ACOXL: variants seen among roughly 807,000 people sequenced by gnomAD.
ACOXL encodes the protein acyl-CoA oxidase like, also known as acyl-coenzyme A oxidase-like protein.
In ACOXL, 70 loss-of-function variants were observed where a neutral mutation model predicts 71.9. The ratio of observed to expected loss-of-function variants is 0.97; its 90% CI spans 0.80 to 1.19. The LOEUF (loss-of-function observed/expected upper bound fraction) is 1.19. ACOXL is among the 50% of genes most tolerant of loss of function. The pLI is 0.00. For synonymous variants in ACOXL, 253 were observed against 281.6 expected (o/e 0.90, Z 1.02); for missense variants, 703 against 736.3 (o/e 0.95, Z 0.52).
intron 14 of ACOXL, among the ~76,000 whole-genome samples, chr2:111,018,709 G>C (rs894863095): frequency 2.5e-5 from 2 of 78,692 alleles, no homozygotes; most frequent in South Asian, 3.5e-4. Flanking sequence ...CAGAGAGGCT[G>C]GAGGGGGTGT....
intron 10 of ACOXL, among the ~76,000 whole-genome samples, chr2:110,844,396 C>G (rs1691535549): frequency 6.6e-6 from 1 of 152,104 alleles, no homozygotes; most frequent in African/African-American, 2.4e-5. Context: ...GGGAAATCCC[C>G]ATTTTCCCAG....
intron 10 of ACOXL, among the ~76,000 whole-genome samples, chr2:110,901,202 A>T (rs984204889): frequency 6.6e-6 from 1 of 152,218 alleles, no homozygotes; most frequent in African/African-American, 2.4e-5. Context: ...TTGATCTGGC[A>T]TGAACTTTGA....
chr2:110,913,014 AG>A (rs2059701715), intron 11 of ACOXL, among the ~76,000 whole-genome samples: 1 of 152,214 alleles, frequency 6.6e-6, no homozygotes, highest in Non-Finnish European at 1.5e-5. Flanking sequence ...AAGTTCTAAA[AG>A]TCATTATTTG....
chr2:110,749,523 C>T (rs1045002422), intron 1 of ACOXL, among the ~76,000 whole-genome samples: 5 of 152,094 alleles, frequency 3.3e-5, no homozygotes, highest in Admixed American at 6.5e-5. Flanking sequence ...GTCAGGAGTT[C>T]GAGAGCAGCT....
At chr2:110,890,633 A>G in intron 10 of ACOXL, among the ~76,000 whole-genome samples, 2 of 152,346 alleles carry the variant, frequency 1.3e-5, no homozygotes, top group South Asian at 4.1e-4. Flanking sequence ...ATATAAGGAT[A>G]TATTTCTAGA....
At chr2:110,971,429 T>C (rs971053188) in intron 12 of ACOXL, among the ~76,000 whole-genome samples, 2 of 152,228 alleles carry the variant, frequency 1.3e-5, no homozygotes, top group Non-Finnish European at 1.5e-5. Context: ...CTGCATAGGA[T>C]CTCTCTGAAT....
chr2:110,801,470 G>A (rs969796102), intron 7 of ACOXL, among the ~76,000 whole-genome samples, 182 bp from the exon 8 acceptor site: 7 of 152,214 alleles, frequency 4.6e-5, no homozygotes, highest in Non-Finnish European at 8.8e-5. Context: ...GCTGGTGGAA[G>A]AAACAGGCAC....
At chr2:110,977,730 C>G (rs1187321431) in intron 12 of ACOXL, among the ~76,000 whole-genome samples, 3 of 152,108 alleles carry the variant, frequency 2.0e-5, no homozygotes, top group Non-Finnish European at 1.5e-5. Flanking sequence ...GGATCAGGGG[C>G]CTTTGCTTGT....
rs1444396701 is a variant in ACOXL at position 111,117,964 on chromosome 2, G to A, written c.*148G>A. ...GGTGGCAAAGCGGAGGTCCCGCCGA[G>A]GCTGGCGAGGTGCGCGGCTGGCTGC... On this transcript the variant is annotated 3_prime_UTR_variant, in exon 18 of 18. Coordinates refer to ENST00000439055, the MANE Select transcript of ACOXL (RefSeq NM_001142807.4). The A allele has an allele frequency of 6.8e-5, 64 of 944,630 alleles. No individual in the cohort carries two copies. The East Asian group carries it at 1.7e-3, about 25-fold the overall frequency. 58.5% of individuals were successfully genotyped at this position (944,630 alleles called of 1,614,324 possible). A position where few individuals can be genotyped will look rare whatever the true frequency, so the allele number is the denominator to read the frequency against.
intron 10 of ACOXL, among the ~76,000 whole-genome samples, chr2:110,876,236 A>T (rs1483440182): frequency 1.3e-5 from 2 of 152,318 alleles, no homozygotes; most frequent in East Asian, 3.9e-4. Flanking sequence ...CCAGCGTGGC[A>T]GGTTTTTTCT....
At chr2:111,017,506 AGTGGCCTTTATT>A (rs1286542613) in intron 14 of ACOXL, among the ~76,000 whole-genome samples, 1 of 152,258 alleles carries the variant, frequency 6.6e-6, no homozygotes, top group African/African-American at 2.4e-5. Context: ...AGTGGGGAGC[AGTGGCCTTTATT>A]GGGGAGGAGG....
rs368504771 is a variant in ACOXL, at chr2:110,848,718, C to T, written c.788+7313C>T. ...CTTTTGGTGCCTTCTGCTCTGACCACGTGACCATTTCCCAGTCAAACCTGC... is the reference window on the plus strand; with the variant it reads ...CTTTTGGTGCCTTCTGCTCTGACCATGTGACCATTTCCCAGTCAAACCTGC... On this transcript the variant is annotated intron_variant, in intron 10 of 17. Coordinates refer to ENST00000439055, the MANE Select transcript of ACOXL (RefSeq NM_001142807.4). Among the ~76,000 whole-genome samples, 4 of 152,296 alleles carry T rather than the reference C, an allele frequency of 2.6e-5. No homozygotes were observed. In the East Asian group the frequency reaches 7.7e-4, roughly 29 times the overall value.
chr2:110,925,853 C>CT (rs59794309), intron 11 of ACOXL, among the ~76,000 whole-genome samples: 70,648 of 120,952 alleles, frequency 0.58, 21,534 homozygotes, highest in East Asian at 0.74. Flanking sequence ...TTACTTCTAG[C>CT]TTTTTTTTTT....
chr2:110,885,891 A>T (rs1697224722), intron 10 of ACOXL, among the ~76,000 whole-genome samples: 1 of 152,160 alleles, frequency 6.6e-6, no homozygotes, highest in Admixed American at 6.5e-5. Flanking sequence ...AGTATATCTG[A>T]GTGTCTATAC....
intron 17 of ACOXL, among the ~76,000 whole-genome samples, chr2:111,107,251 A>G (rs908213156): frequency 6.6e-6 from 1 of 152,190 alleles, no homozygotes; most frequent in Admixed American, 6.5e-5. Context: ...TGTGGGATAC[A>G]TGAGGCAAAA....
At chr2:110,841,446 A>T in intron 10 of ACOXL, 41 bp downstream of exon 10, 1 of 1,541,998 alleles carries the variant, frequency 6.5e-7, no homozygotes, top group Non-Finnish European at 8.9e-7. Context: ...AATTATCCTT[A>T]CCAGTTTATA....
At chr2:110,813,440 C>T (rs764756470) in intron 9 of ACOXL, among the ~76,000 whole-genome samples, 17 of 152,202 alleles carry the variant, frequency 1.1e-4, no homozygotes, top group East Asian at 5.8e-4. Flanking sequence ...CCTTCCTTGG[C>T]GCCAGCTGCC....
chr2:110,976,468 G>T (rs1195546815), intron 12 of ACOXL, among the ~76,000 whole-genome samples: 1 of 152,200 alleles, frequency 6.6e-6, no homozygotes, highest in East Asian at 1.9e-4. Flanking sequence ...CCAAATTATT[G>T]ATCAAGTATG....
At chr2:110,770,351 A>G (rs567652043) in intron 2 of ACOXL, among the ~76,000 whole-genome samples, 3 of 152,036 alleles carry the variant, frequency 2.0e-5, no homozygotes, top group Non-Finnish European at 2.9e-5. Context: ...AATCCCACCA[A>G]CCTTTGGTAG....
Sources: allele counts gnomAD v4.1 joint callset (sites outside exome capture counted in the v4.1 genomes callset), GRCh38; gene constraint gnomAD v4.1.1; transcripts MANE v1.5; gene names NCBI Gene and HGNC (gene_info 2026-07-23, HGNC 2026-07-21).